Variants in ERBB4 observed in about 807,000 individuals in gnomAD.
ERBB4 encodes erb-b2 receptor tyrosine kinase 4, also known as receptor tyrosine-protein kinase erbB-4.
ERBB4 carries 42 observed loss-of-function variants against 158.0 expected under a neutral mutation model. The observed-to-expected ratio is 0.27, with a 90% CI of 0.21 to 0.34. The LOEUF (loss-of-function observed/expected upper bound fraction) is 0.34. Among genes scored for constraint, ERBB4 ranks in the 10% least tolerant of loss-of-function variants. The pLI, the probability that ERBB4 is intolerant of heterozygous loss-of-function variation, is 1.00. For missense variants in ERBB4, 1,333 were observed against 1,624.1 expected, an observed-to-expected ratio of 0.82 and a Z score of 3.08; for synonymous variants, 583 against 558.7, an observed-to-expected ratio of 1.04 and a Z score of -0.61.
At chr2:211,426,870 T>C (rs1368126929) in intron 22 of ERBB4, among the ~76,000 whole-genome samples, 2 of 151,754 alleles carry the variant, frequency 1.3e-5, no homozygotes, top group Non-Finnish European at 2.9e-5. Flanking sequence ...TCATGTAATG[T>C]ATAAATGCTA....
At chr2:211,932,670 A>G (rs2125102369) in intron 3 of ERBB4, among the ~76,000 whole-genome samples, 2 of 152,100 alleles carry the variant, frequency 1.3e-5, no homozygotes, top group East Asian at 3.9e-4. Flanking sequence ...TGATAATTAT[A>G]TATTACCATT....
chr2:211,434,985 T>G (rs935438923), intron 20 of ERBB4, among the ~76,000 whole-genome samples: 5 of 152,216 alleles, frequency 3.3e-5, no homozygotes, highest in African/African-American at 1.2e-4. Context: ...TCAAAACAGT[T>G]TTCTCTACAT....
intron 1 of ERBB4, among the ~76,000 whole-genome samples, chr2:212,259,543 T>A (rs766825004): frequency 9.9e-5 from 15 of 152,206 alleles, no homozygotes; most frequent in Admixed American, 2.0e-4. Context: ...ATATATATTA[T>A]AACTAAAGCA....
intron 1 of ERBB4, among the ~76,000 whole-genome samples, chr2:212,348,204 C>T (rs2089099147): frequency 6.6e-6 from 1 of 152,138 alleles, no homozygotes; most frequent in South Asian, 2.1e-4. Context: ...CTGGGTGCTT[C>T]ATTACCAAAT....
At chr2:211,904,487 T>G (rs778572118) in intron 3 of ERBB4, among the ~76,000 whole-genome samples, 2 of 152,114 alleles carry the variant, frequency 1.3e-5, no homozygotes, top group African/African-American at 4.8e-5. Flanking sequence ...GTATCTCCAT[T>G]TTCTCATTTT....
At chr2:211,916,568 G>A (rs947669873) in intron 3 of ERBB4, among the ~76,000 whole-genome samples, 1 of 152,086 alleles carries the variant, frequency 6.6e-6, no homozygotes, top group Non-Finnish European at 1.5e-5. Flanking sequence ...GTTAGAATAT[G>A]TGATAGAAAA....
intron 1 of ERBB4, among the ~76,000 whole-genome samples, chr2:212,512,893 C>G (rs1232310475): frequency 6.6e-6 from 1 of 152,148 alleles, no homozygotes; most frequent in Non-Finnish European, 1.5e-5. Context: ...TTCCTTTGTG[C>G]CTGACATCTT....
At chr2:212,281,107 T>C (rs1003349551) in intron 1 of ERBB4, among the ~76,000 whole-genome samples, 7 of 151,760 alleles carry the variant, frequency 4.6e-5, no homozygotes, top group African/African-American at 1.4e-4. Flanking sequence ...CCCTTCTTTT[T>C]TTTTCTAAAA....
intron 1 of ERBB4, among the ~76,000 whole-genome samples, chr2:212,291,763 C>T (rs2086215577): frequency 6.6e-6 from 1 of 151,900 alleles, no homozygotes. Flanking sequence ...AATACTTAGC[C>T]AGAGAAATCA....
At chr2:211,852,985 G>T (rs573380247) in intron 3 of ERBB4, among the ~76,000 whole-genome samples, 1 of 151,976 alleles carries the variant, frequency 6.6e-6, no homozygotes, top group East Asian at 1.9e-4. Context: ...ACTGTTGTTG[G>T]TCTAATAGTC....
intron 1 of ERBB4, among the ~76,000 whole-genome samples, chr2:212,463,619 C>CAAA (rs1471235003): frequency 1.3e-5 from 2 of 151,818 alleles, no homozygotes; most frequent in African/African-American, 4.8e-5. Context: ...AGAAAAAAAG[C>CAAA]CTCAGAAGAC....
chr2:212,514,280 A>T (rs1691696143), intron 1 of ERBB4, among the ~76,000 whole-genome samples: 1 of 152,208 alleles, frequency 6.6e-6, no homozygotes, highest in South Asian at 2.1e-4. Context: ...TCACATGGTA[A>T]AAGTATTTTT....
At chr2:211,991,216 T>C (rs552637126) in intron 2 of ERBB4, among the ~76,000 whole-genome samples, 12 of 151,900 alleles carry the variant, frequency 7.9e-5, no homozygotes, top group African/African-American at 1.9e-4. Flanking sequence ...GACACAAGAG[T>C]GAACAAAATA....
chr2:211,867,320 G>A (rs567156167), intron 3 of ERBB4, among the ~76,000 whole-genome samples: 5 of 152,020 alleles, frequency 3.3e-5, no homozygotes, highest in Admixed American at 6.6e-5. Context: ...CATTCTCTCC[G>A]GTGAAATCAT....
chr2:212,365,956 A>G (rs900323846), intron 1 of ERBB4, among the ~76,000 whole-genome samples: 8 of 151,898 alleles, frequency 5.3e-5, no homozygotes, highest in Non-Finnish European at 8.8e-5. Context: ...TTAAGCATAT[A>G]GTAGAAAAAT....
At chr2:212,377,285 A>G (rs989246964) in intron 1 of ERBB4, among the ~76,000 whole-genome samples, 20 of 149,864 alleles carry the variant, frequency 1.3e-4, no homozygotes, top group African/African-American at 4.9e-4. Flanking sequence ...ATACATATGT[A>G]TATACACACA....
chr2:211,390,914 T>C (rs2062786581), intron 25 of ERBB4, among the ~76,000 whole-genome samples: 1 of 152,234 alleles, frequency 6.6e-6, no homozygotes. Context: ...TGTTTCTGTT[T>C]CCATTTTTTC....
At chr2:212,317,487 A>G (rs1285087663) in intron 1 of ERBB4, among the ~76,000 whole-genome samples, 1 of 151,574 alleles carries the variant, frequency 6.6e-6, no homozygotes, top group African/African-American at 2.4e-5. Flanking sequence ...AGTACCCACA[A>G]TCAGCATTCT....
At position 211,387,163 on chromosome 2, in the gene ERBB4, G is replaced by A. The variant is rs201471724; in HGVS notation, c.3184-13C>T. The stretch of plus-strand genomic sequence containing the variant: ...ATACAAACTGGTTCTGTTAATAAGA[G>A]AAACATATGTGGAGAGAAGGCGTTG... On this transcript the variant is annotated splice_polypyrimidine_tract_variant and intron_variant, in intron 26 of 27. Transcript: ENST00000342788. The A allele has an allele frequency of 1.3e-6, 2 of 1,597,610 alleles. No individual in the cohort carries two copies. The highest frequency in any genetic ancestry group is 1.7e-6 in the Non-Finnish European group (2 of 1,164,814).
Sources: allele counts gnomAD v4.1 joint callset (sites outside exome capture counted in the v4.1 genomes callset), GRCh38; gene constraint gnomAD v4.1.1; transcripts MANE v1.5; gene names NCBI Gene and HGNC (gene_info 2026-07-23, HGNC 2026-07-21).